Variants in EHBP1L1 observed in about 807,000 individuals in gnomAD.
EHBP1L1 encodes the protein EH domain-binding protein 1-like protein 1.
In EHBP1L1, 122 loss-of-function variants were observed where a neutral mutation model predicts 151.1. The ratio of observed to expected loss-of-function variants is 0.81; its 90% CI spans 0.70 to 0.94. The LOEUF is 0.94. EHBP1L1 is among the 40% of genes least tolerant of loss of function. The probability of loss-of-function intolerance (pLI) is 0.00; values close to 1 mark genes in which losing one functional copy is unlikely to be tolerated. For synonymous variants in EHBP1L1, 878 were observed against 810.1 expected, an observed-to-expected ratio of 1.08 and a Z score of -1.42; for missense variants, 1,941 against 1,959.8, an observed-to-expected ratio of 0.99 and a Z score of 0.18.
At position 65,581,678 on chromosome 11, in the gene EHBP1L1, G is replaced by A. The variant is rs1380345658; in HGVS notation, c.1006G>A (p.Gly336Ser). The A allele has an allele frequency of 5.1e-6, 8 of 1,570,254 alleles. No individual in the cohort carries two copies. In the South Asian group the frequency reaches 5.8e-5, roughly 11 times the overall value. ...KASGAPPAGL[G>S]SARETQAQAC... is the part of the protein sequence containing the mutation. The stretch of plus-strand genomic sequence containing the variant: ...CTCAGGGGCTCCTCCAGCAGGATTG[G>A]GCTCTGCTAGGGAGACCCAGGCCCA... Residue 336 changes from glycine (G) to serine (S), a missense_variant, in exon 9 of 19, where the codon GGC becomes AGC. Gly to Ser is a moderately conservative substitution (Grantham distance 56). Coordinates refer to ENST00000309295, the MANE Select transcript of EHBP1L1 (RefSeq NM_001099409.3).
In EHBP1L1 at chr11:65,582,228, A is replaced by T. The variant is rs1165712436; in HGVS notation, c.1556A>T (p.Glu519Val). 4 of 1,530,534 alleles carry T rather than the reference A, an allele frequency of 2.6e-6. No homozygotes were observed. The South Asian group carries it at 5.2e-5, about 20-fold the overall frequency. The allele number at this position is 1,530,534 out of a possible 1,614,324, so 94.8% of individuals were successfully genotyped here. ...GTGAGGGGTGGAGCACCTGGTATTG[A>T]GGGGACAGGCCTGGAGCAGGGCCCT... is the stretch of plus-strand genomic sequence containing the variant. The part of the protein sequence containing the change: ...AEVRGGAPGI[E>V]GTGLEQGPSV... Residue 519 changes from glutamate (E) to valine (V), a missense_variant, in exon 9 of 19, where the codon GAG (glutamate) becomes GTG (valine). Transcript: ENST00000309295.
chr11:65,590,682 T>G (rs1475028494), intron 16 of EHBP1L1, 90 bp downstream of exon 16: 3 of 1,152,806 alleles, frequency 2.6e-6, no homozygotes, highest in African/African-American at 3.1e-5. Flanking sequence ...TACAGAGATC[T>G]TTTTGACAAA....
intron 9 of EHBP1L1, 96 bp from the exon 10 acceptor site, chr11:65,584,145 A>G: frequency 6.5e-7 from 1 of 1,528,600 alleles, no homozygotes; most frequent in South Asian, 1.3e-5. Context: ...GCAAGCTCAG[A>G]GATGGGGCTG....
At chr11:65,577,237 C>T (rs1022818060) in intron 1 of EHBP1L1, among the ~76,000 whole-genome samples, 6 of 152,034 alleles carry the variant, frequency 3.9e-5, no homozygotes, top group Admixed American at 1.3e-4. Flanking sequence ...GGGGCCTCAC[C>T]CGCCAGGCGG....
In EHBP1L1 at chr11:65,576,412, T is replaced by TG; in HGVS notation, c.104+9dup. Reference sequence around the variant, plus strand: ...TTGGAGTGCACCAAGAAATGGTGAGTGGGAGGGAGGCGGGGGGGCTCCCCC... The same window carrying TG: ...TTGGAGTGCACCAAGAAATGGTGAGTGGGGAGGGAGGCGGGGGGGCTCCCCC... On this transcript the variant is annotated splice_region_variant and intron_variant, in intron 1 of 18. Coordinates refer to ENST00000309295, the MANE Select transcript of EHBP1L1 (RefSeq NM_001099409.3). 6.4e-7 allele frequency: 1 copy of TG among 1,571,822 alleles called. No individual in the cohort carries two copies. Among genetic ancestry groups the TG allele is most frequent in the South Asian group, 1.2e-5 (1 of 85,812 alleles).
chr11:65,591,952 A>ACGCTTAGC, intron 17 of EHBP1L1, 24 bp from the exon 18 acceptor site: 1 of 1,608,274 alleles, frequency 6.2e-7, no homozygotes, highest in Non-Finnish European at 8.5e-7. Flanking sequence ...GCGCCTCCTG[A>ACGCTTAGC]CGCTTAGCCG....
chr11:65,580,049 C>A, intron 4 of EHBP1L1, 32 bp from the exon 5 acceptor site: 1 of 1,612,884 alleles, frequency 6.2e-7, no homozygotes, highest in East Asian at 2.2e-5. Flanking sequence ...AGCACTGATG[C>A]CCCTTCTCCT....
intron 16 of EHBP1L1, 71 bp downstream of exon 16, chr11:65,590,663 T>C (rs1418847086): frequency 3.1e-6 from 4 of 1,297,844 alleles, no homozygotes; most frequent in African/African-American, 1.5e-5. Flanking sequence ...TTCACTACTT[T>C]CTTATTCCTA....
chr11:65,587,886 G>A (rs952966113), intron 12 of EHBP1L1, among the ~76,000 whole-genome samples: 1 of 152,188 alleles, frequency 6.6e-6, no homozygotes, highest in Admixed American at 6.5e-5. Context: ...TGCCTCACAG[G>A]GCTGTTGGGA....
intron 6 of EHBP1L1, chr11:65,580,820 TG>T: frequency 1.9e-6 from 2 of 1,071,076 alleles, no homozygotes; most frequent in African/African-American, 1.6e-5. Context: ...CTGGGCCAGC[TG>T]GGGCTTCCTC....
At chr11:65,588,004 G>C (rs1167896158) in intron 12 of EHBP1L1, among the ~76,000 whole-genome samples, 1 of 152,122 alleles carries the variant, frequency 6.6e-6, no homozygotes, top group African/African-American at 2.4e-5. Flanking sequence ...GTATTTTTTG[G>C]GCCCAGCTCT....
Position 65,589,952 on chromosome 11 carries a change from G to A in EHBP1L1, c.4020G>A (p.Ser1340=), listed in dbSNP as rs184894054. 2.5e-4 allele frequency: 386 copies of A among 1,574,216 alleles called. No homozygotes were observed. The African/African-American group carries it at 4.4e-3, about 18-fold the overall frequency. The part of the protein sequence containing the change: ...SQQPPGGSSP[S]EEPPPSPGEE... The stretch of plus-strand genomic sequence containing the variant: ...TGTCTGCAGGTGGGAGTTCCCCCTC[G>A]GAGGAACCACCCCCAAGCCCAGGGG... Residue 1340 remains serine (S), a synonymous_variant, in exon 14 of 19, where the codon TCG becomes TCA. Coordinates refer to ENST00000309295, the MANE Select transcript of EHBP1L1 (RefSeq NM_001099409.3).
Position 65,580,421 on chromosome 11 carries a change from T to A in EHBP1L1, c.576T>A (p.Asp192Glu), listed in dbSNP as rs778539782. The A allele has an allele frequency of 1.9e-6, 3 of 1,613,550 alleles. No individual in the cohort carries two copies. The highest frequency in any genetic ancestry group is 3.3e-5 in the Admixed American group (2 of 60,008). Residue 192 changes from aspartate to glutamate, a missense_variant, in exon 6 of 19, where the codon GAT (aspartate) becomes GAA (glutamate). Transcript: ENST00000309295. ...ACTTGGATGACTTTGCTGAGAGTGA[T>A]GAAGATGAGGCTCATGGCCCAGGAG... ...VGNLDDFAESDEDEAHGPGAP... is the reference protein window; with the variant it reads ...VGNLDDFAESEEDEAHGPGAP...
chr11:65,585,521 C>T lies in EHBP1L1; in HGVS notation c.3863C>T (p.Ser1288Leu), dbSNP rs1330045067. 9 of 1,570,614 alleles carry T rather than the reference C, an allele frequency of 5.7e-6. No individual in the cohort carries two copies. Among genetic ancestry groups the T allele is most frequent in the East Asian group, 2.3e-5 (1 of 42,628 alleles). ...GCGGACCTGCTCAAGAAGAGGCGCT[C>T]GCGGCTGCGGAACAGCAGCTCGTTC... ...RDADLLKKRR[S>L]RLRNSSSFSM... is the part of the protein sequence containing the mutation. The change falls in exon 12 of 19, where the codon TCG becomes TTG. Residue 1288 changes from serine to leucine, a missense_variant. Ser to Leu is a moderately radical substitution (Grantham distance 145, BLOSUM62 -2). Coordinates refer to ENST00000309295, the MANE Select transcript of EHBP1L1 (RefSeq NM_001099409.3). The surrounding 1 kb of genome is among the most constrained non-coding windows in gnomAD (Gnocchi z 4.0).
At chr11:65,577,323 G>A (rs1857380227) in intron 1 of EHBP1L1, among the ~76,000 whole-genome samples, 1 of 152,242 alleles carries the variant, frequency 6.6e-6, no homozygotes, top group African/African-American at 2.4e-5. Context: ...GGAGTAAGCA[G>A]GAGGCTGGGG....
At position 65,583,456 on chromosome 11, in the gene EHBP1L1, G is replaced by C; in HGVS notation, c.2784G>C (p.Glu928Asp). Residue 928 changes from glutamate (E) to aspartate (D), a missense_variant, in exon 9 of 19, where the codon GAG (glutamate) becomes GAC (aspartate). Glu to Asp is a conservative substitution (Grantham distance 45). Transcript: ENST00000309295. ...AGATTTCAGGAGTACAAGGGTCAGAGACTCAAGTTCTGAGAGTCCAGGAGG... is the reference window on the plus strand; with the variant it reads ...AGATTTCAGGAGTACAAGGGTCAGACACTCAAGTTCTGAGAGTCCAGGAGG... ...KAEISGVQGSETQVLRVQEAE... is the reference protein window; with the variant it reads ...KAEISGVQGSDTQVLRVQEAE... 1 of 1,613,578 alleles carries C rather than the reference G, an allele frequency of 6.2e-7. No individual in the cohort carries two copies. The highest frequency in any genetic ancestry group is 8.5e-7 in the Non-Finnish European group (1 of 1,179,786).
In EHBP1L1 at chr11:65,579,921, C is replaced by T. The variant is rs1857514541; in HGVS notation, c.259-15C>T. The T allele has an allele frequency of 1.2e-6, 2 of 1,613,472 alleles. No homozygotes were observed. The highest frequency in any genetic ancestry group is 8.5e-7 in the Non-Finnish European group (1 of 1,179,760). On this transcript the variant is annotated splice_polypyrimidine_tract_variant and intron_variant, in intron 3 of 18. Transcript: ENST00000309295. The stretch of plus-strand genomic sequence containing the variant: ...GCCCCAACAGTCCTGTACTCACCAG[C>T]ACCCTTCTTCCCAGGACCCCCACGT...
At chr11:65,580,880 TTCTC>T in intron 6 of EHBP1L1, 174 bp from the exon 7 acceptor site, 1 of 1,400,102 alleles carries the variant, frequency 7.1e-7, no homozygotes, top group African/African-American at 1.5e-5. Flanking sequence ...ACTGTTGAGG[TTCTC>T]TCTCTCTTTC....
chr11:65,577,547 C>T (rs1267216680), intron 1 of EHBP1L1, among the ~76,000 whole-genome samples: 1 of 152,180 alleles, frequency 6.6e-6, no homozygotes, highest in Non-Finnish European at 1.5e-5. Flanking sequence ...TCACAGGCGG[C>T]TGTGGGTAGG....
Sources: gnomAD v4.1 joint callset for allele counts (sites outside exome capture counted in the v4.1 genomes callset) on GRCh38, gnomAD v4.1.1 for gene constraint, Gnocchi (gnomAD v3.1) non-coding constraint, MANE v1.5 for transcripts, NCBI Gene and HGNC (gene_info 2026-07-23, HGNC 2026-07-21) for gene names.